EXOC6: variants seen among roughly 807,000 people sequenced by gnomAD.
The protein encoded by EXOC6 is exocyst complex component 6.
EXOC6 carries 60 observed loss-of-function variants against 112.5 expected under a neutral mutation model. The ratio of observed to expected loss-of-function variants is 0.53; its 90% CI spans 0.43 to 0.66. EXOC6 has a LOEUF of 0.66. Ranked by LOEUF, EXOC6 falls within the 30% of genes least tolerant of loss-of-function variation. The probability of loss-of-function intolerance (pLI) is 0.00; values close to 1 mark genes in which losing one functional copy is unlikely to be tolerated. For synonymous variants in EXOC6, 295 were observed against 308.0 expected (o/e 0.96, Z 0.44); for missense variants, 855 against 957.1 (o/e 0.89, Z 1.41).
intron 1 of EXOC6, among the ~76,000 whole-genome samples, chr10:92,839,482 A>T (rs1226617889): frequency 6.6e-6 from 1 of 152,300 alleles, no homozygotes; most frequent in South Asian, 2.1e-4. Context: ...GAATCTTCAT[A>T]TTGAGGATGA....
intron 13 of EXOC6, among the ~76,000 whole-genome samples, chr10:92,943,206 A>G (rs148897645): frequency 0.011 from 1,614 of 151,770 alleles, 33 homozygotes; most frequent in African/African-American, 0.037. Context: ...TTTTAGTAGA[A>G]ATGGTGTTTC....
At chr10:92,842,177 G>A (rs1313899527) in intron 1 of EXOC6, among the ~76,000 whole-genome samples, 2 of 152,088 alleles carry the variant, frequency 1.3e-5, no homozygotes, top group Non-Finnish European at 2.9e-5. Flanking sequence ...TGGCCAACAT[G>A]GTGAAACCCT....
chr10:92,858,297 C>A (rs1847725246), intron 1 of EXOC6, among the ~76,000 whole-genome samples: 2 of 152,052 alleles, frequency 1.3e-5, no homozygotes, highest in African/African-American at 4.8e-5. Flanking sequence ...TAAATTATTT[C>A]TTTAAATAGT....
At chr10:92,888,877 C>T (rs979812192) in intron 1 of EXOC6, among the ~76,000 whole-genome samples, 19 of 152,062 alleles carry the variant, frequency 1.2e-4, no homozygotes, top group Admixed American at 7.9e-4. Flanking sequence ...GGGAAAAGTA[C>T]GAAGTAGGAA....
chr10:93,058,444 AC>A lies in EXOC6; in HGVS notation c.*90del. On this transcript the variant is annotated 3_prime_UTR_variant, in exon 22 of 22. Transcript: ENST00000260762. The stretch of plus-strand genomic sequence containing the variant: ...TTGGTCATGATACAGTAATTTGTTT[AC>A]AGAATCCAAAAATACAATAGAGAAG... 8.6e-7 allele frequency: 1 copy of A among 1,164,322 alleles called. No individual in the cohort carries two copies. Among genetic ancestry groups the A allele is most frequent in the African/African-American group, 1.6e-5 (1 of 63,090 alleles). 72.1% of individuals were successfully genotyped at this position (1,164,322 alleles called of 1,614,324 possible).
At chr10:92,901,553 GTGTCTT>G (rs1589797028) in intron 5 of EXOC6, 1 of 148,186 alleles carries the variant, frequency 6.7e-6, no homozygotes, top group African/African-American at 2.5e-5. Flanking sequence ...GCCAATTCCT[GTGTCTT>G]TGTCTTTGAG....
upstream of EXOC6, among the ~76,000 whole-genome samples, chr10:92,845,728 C>T (rs758172229): frequency 6.2e-4 from 93 of 150,956 alleles, no homozygotes; most frequent in African/African-American, 1.9e-3. Context: ...CACCTGAGGT[C>T]GGGAGTTTGA....
intron 13 of EXOC6, among the ~76,000 whole-genome samples, chr10:92,947,358 C>G (rs144125057): frequency 3.5e-4 from 54 of 152,326 alleles, no homozygotes; most frequent in Non-Finnish European, 6.6e-4. Flanking sequence ...CAACACATGT[C>G]ACTTCCATTC....
At chr10:92,934,909 A>G (rs1053354578) in intron 11 of EXOC6, among the ~76,000 whole-genome samples, 3 of 152,098 alleles carry the variant, frequency 2.0e-5, no homozygotes, top group Non-Finnish European at 4.4e-5. Context: ...GTTTTTATAG[A>G]TGAAAATTAA....
intron 18 of EXOC6, among the ~76,000 whole-genome samples, chr10:92,974,620 A>G (rs1005405698): frequency 3.5e-5 from 1 of 28,638 alleles, no homozygotes; most frequent in African/African-American, 4.1e-4. Context: ...TGCCGAGCCG[A>G]AGCTGCACTG....
At chr10:92,925,033 G>T (rs1851637323) in intron 8 of EXOC6, among the ~76,000 whole-genome samples, 1 of 151,936 alleles carries the variant, frequency 6.6e-6, no homozygotes. Context: ...TTTTATACTT[G>T]GTTGTATTTA....
intron 1 of EXOC6, among the ~76,000 whole-genome samples, chr10:92,839,843 G>T (rs1419058094): frequency 6.6e-6 from 1 of 151,926 alleles, no homozygotes; most frequent in Admixed American, 6.6e-5. Context: ...AAGGTGGGGG[G>T]CTGTGGGGCG....
At chr10:92,864,232 A>G (rs1564783837) in intron 1 of EXOC6, among the ~76,000 whole-genome samples, 1 of 152,250 alleles carries the variant, frequency 6.6e-6, no homozygotes, top group Non-Finnish European at 1.5e-5. Flanking sequence ...CAGAGGCATT[A>G]ACAAATAACC....
chr10:93,057,484 T>C (rs1171692729), intron 21 of EXOC6, among the ~76,000 whole-genome samples: 4 of 151,916 alleles, frequency 2.6e-5, no homozygotes, highest in Non-Finnish European at 5.9e-5. Flanking sequence ...AAAAAAAAAA[T>C]ACAGTAAAAA....
At chr10:92,845,868 G>A (rs538359868), upstream of EXOC6, among the ~76,000 whole-genome samples, 71 of 152,288 alleles carry the variant, frequency 4.7e-4, no homozygotes, top group African/African-American at 1.6e-3. Flanking sequence ...AACCCAGGAG[G>A]CGGAGGTTGC....
At position 92,869,872 on chromosome 10, in the gene EXOC6, A is replaced by G. The variant is rs377464156; in HGVS notation, c.101+21238A>G. Among the ~76,000 whole-genome samples, 5 of 151,324 alleles carry G rather than the reference A, an allele frequency of 3.3e-5. 1 individual carries two copies. In the East Asian group the frequency reaches 5.8e-4, roughly 18 times the overall value. On this transcript the variant is annotated intron_variant, in intron 1 of 21. Coordinates refer to ENST00000260762, the MANE Select transcript of EXOC6 (RefSeq NM_019053.6). The stretch of plus-strand genomic sequence containing the variant: ...ATAATTGCAATACAGTGGTTGAGAC[A>G]GGGGGCATCTTTTTTTCCTGACTTT...
In EXOC6 at chr10:93,001,820, A is replaced by G. The variant is rs145530558; in HGVS notation, c.2095+4205A>G. ...CCAGTTACATGAAAACAGCTCTTACATGTCTCTAAATCTTCTGAAGGCCAG... is the reference window on the plus strand; with the variant it reads ...CCAGTTACATGAAAACAGCTCTTACGTGTCTCTAAATCTTCTGAAGGCCAG... On this transcript the variant is annotated intron_variant, in intron 19 of 21. Transcript: ENST00000260762. Among the ~76,000 whole-genome samples the G allele has an allele frequency of 2.9e-3, 443 of 152,286 alleles. 2 individuals are homozygous for G. Among genetic ancestry groups the G allele is most frequent in the African/African-American group, 0.01 (422 of 41,554 alleles).
intron 18 of EXOC6, among the ~76,000 whole-genome samples, chr10:92,974,948 T>C (rs1173508545): frequency 5.3e-5 from 8 of 152,252 alleles, no homozygotes; most frequent in Admixed American, 2.6e-4. Flanking sequence ...TGCCTTGGCC[T>C]CCCAAAGTGC....
intron 16 of EXOC6, among the ~76,000 whole-genome samples, chr10:92,955,009 T>C (rs1413880542): frequency 6.6e-6 from 1 of 151,968 alleles, no homozygotes; most frequent in Non-Finnish European, 1.5e-5. Context: ...CTGGGCAATA[T>C]AGTGAGACCC....
Sources: allele counts gnomAD v4.1 joint callset (sites outside exome capture counted in the v4.1 genomes callset), GRCh38; gene constraint gnomAD v4.1.1; transcripts MANE v1.5; gene names NCBI Gene and HGNC (gene_info 2026-07-23, HGNC 2026-07-21).